FREM1: variants seen among roughly 807,000 people sequenced by gnomAD.
The protein encoded by FREM1 is FRAS1-related extracellular matrix protein 1.
Under a neutral mutation model 210.1 loss-of-function variants are expected in FREM1, and 220 were observed. The ratio of observed to expected loss-of-function variants is 1.05; its 90% confidence interval spans 0.94 to 1.17. The LOEUF is 1.17. Ranked by LOEUF, FREM1 falls within the 50% of genes most tolerant of loss-of-function variation. The pLI is 0.00. For missense variants in FREM1, 3,454 were observed against 2,675.5 expected, an observed-to-expected ratio of 1.29 and a Z score of -6.42; for synonymous variants, 1,189 against 980.2, an observed-to-expected ratio of 1.21 and a Z score of -3.98.
At chr9:14,900,381 G>A (rs181548814) in intron 1 of FREM1, among the ~76,000 whole-genome samples, 1 of 152,340 alleles carries the variant, frequency 6.6e-6, no homozygotes, top group East Asian at 1.9e-4. Flanking sequence ...TCTCCTCTAA[G>A]TATGACAAGA....
At chr9:14,850,253 G>C (rs950411357) in intron 6 of FREM1, among the ~76,000 whole-genome samples, 4 of 152,130 alleles carry the variant, frequency 2.6e-5, no homozygotes, top group Non-Finnish European at 5.9e-5. Flanking sequence ...GCAGCAAAAG[G>C]AAATTAGATA....
chr9:14,837,152 G>A (rs1294814269), intron 10 of FREM1, among the ~76,000 whole-genome samples: 1 of 152,130 alleles, frequency 6.6e-6, no homozygotes, highest in African/African-American at 2.4e-5. Context: ...AGAAATCAGG[G>A]TGCCCACATT....
At chr9:14,878,458 C>A (rs73642430) in intron 1 of FREM1, among the ~76,000 whole-genome samples, 159 of 152,308 alleles carry the variant, frequency 1.0e-3, no homozygotes, top group African/African-American at 3.8e-3. Context: ...GTGGTCACAC[C>A]TAACAACCCC....
Position 14,823,256 on chromosome 9 carries a change from G to C in FREM1, c.2241C>G (p.Val747=). 1 of 1,613,878 alleles carries C rather than the reference G, an allele frequency of 6.2e-7. No individual in the cohort carries two copies. The change falls in exon 13 of 37, where the codon GTC becomes GTG. Residue 747 remains valine, a synonymous_variant. Coordinates refer to ENST00000380880, the MANE Select transcript of FREM1 (RefSeq NM_001379081.2). The part of the protein sequence containing the change: ...MQDIGPHCRD[V]QFTFSVSNQH... ...GGTTACTGACAGAAAATGTGAACTG[G>C]ACATCTCTGCAATGGGGACCAATGT...
chr9:14,889,170 A>T (rs1460467435), intron 1 of FREM1, among the ~76,000 whole-genome samples: 1 of 152,144 alleles, frequency 6.6e-6, no homozygotes, highest in Non-Finnish European at 1.5e-5. Flanking sequence ...TCTCTAGTTT[A>T]TGTCTTTTGA....
At chr9:14,893,390 A>G (rs918340278) in intron 1 of FREM1, among the ~76,000 whole-genome samples, 3 of 152,188 alleles carry the variant, frequency 2.0e-5, no homozygotes, top group Non-Finnish European at 2.9e-5. Context: ...CCTGCTGTCT[A>G]AGACAGTCCA....
Position 14,865,030 on chromosome 9 carries a change from T to C in FREM1, c.235-1127A>G, listed in dbSNP as rs141726435. ...CTTTTATAAAAGGCGACAACCATAA[T>C]TGTCCATAAATTTACTAACTAAAAC... On this transcript the variant is annotated intron_variant, in intron 2 of 36. Coordinates refer to ENST00000380880, the MANE Select transcript of FREM1 (RefSeq NM_001379081.2). 2.0e-4 allele frequency among the ~76,000 whole-genome samples: 31 copies of C among 152,336 alleles called. 1 individual carries two copies. In the East Asian group the frequency reaches 6.0e-3, roughly 29 times the overall value.
intron 1 of FREM1, among the ~76,000 whole-genome samples, chr9:14,888,369 A>C (rs1366655457): frequency 6.6e-6 from 1 of 152,208 alleles, no homozygotes; most frequent in Non-Finnish European, 1.5e-5. Flanking sequence ...CCAAAACCTT[A>C]TACTCTTTGC....
intron 1 of FREM1, among the ~76,000 whole-genome samples, chr9:14,878,144 C>A (rs1212778158): frequency 1.3e-5 from 2 of 152,190 alleles, no homozygotes; most frequent in African/African-American, 4.8e-5. Flanking sequence ...CTGCTCAAAA[C>A]TTCCAGTAGT....
chr9:14,801,474 T>C (rs1036503912), intron 20 of FREM1, among the ~76,000 whole-genome samples, 178 bp downstream of exon 20: 9 of 152,368 alleles, frequency 5.9e-5, no homozygotes, highest in African/African-American at 2.2e-4. Context: ...TTCTCCTGTC[T>C]AACCGAAATT....
Position 14,756,370 on chromosome 9 carries a change from G to C in FREM1, c.5407+4C>G. On this transcript the variant is annotated splice_donor_region_variant and intron_variant, in intron 29 of 36. Transcript: ENST00000380880. ...ATAAAACAAACTGCAGACACAAAAT[G>C]TACCTGGGTCAAACTGAATCAGTTT... 2 of 1,578,894 alleles carry C rather than the reference G, an allele frequency of 1.3e-6. No homozygotes were observed. The highest frequency in any genetic ancestry group is 1.7e-6 in the Non-Finnish European group (2 of 1,161,480).
rs202213402 is a variant in FREM1, at chr9:14,805,049, T to A, written c.3378A>T (p.Thr1126=). 3 of 1,613,364 alleles carry A rather than the reference T, an allele frequency of 1.9e-6. No homozygotes were observed. Among genetic ancestry groups the A allele is most frequent in the East Asian group, 4.5e-5 (2 of 44,878 alleles). The change falls in exon 19 of 37, where the codon ACA becomes ACT. Residue 1126 remains threonine, a synonymous_variant. Coordinates refer to ENST00000380880, the MANE Select transcript of FREM1 (RefSeq NM_001379081.2). ...TCTCCAAGGAGTGATGCTTCCCATC[T>A]GTGACGTACACCGTGAACTGGTCGG... The part of the protein sequence containing the change: ...PTADQFTVYV[T]DGKHHSLEIP...
chr9:14,880,518 C>G lies in FREM1; in HGVS notation c.-267-11274G>C, dbSNP rs139472093. On this transcript the variant is annotated intron_variant, in intron 1 of 36. Transcript: ENST00000380880. ...ACTCAGGAAACTGAGGCAGGAGAAT[C>G]ACTTGAACCCGGGAGGCAAAGGGTG... 9.9e-3 allele frequency among the ~76,000 whole-genome samples: 1,487 copies of G among 150,252 alleles called. 10 individuals are homozygous for G. The highest frequency in any genetic ancestry group is 0.015 in the Admixed American group (223 of 15,066).
chr9:14,825,806 T>C (rs1822338654), intron 10 of FREM1, among the ~76,000 whole-genome samples: 1 of 151,956 alleles, frequency 6.6e-6, no homozygotes, highest in Non-Finnish European at 1.5e-5. Context: ...AAATTTCCTA[T>C]GCAGTGACCA....
intron 27 of FREM1, 55 bp downstream of exon 27, chr9:14,769,669 T>C: frequency 6.5e-7 from 1 of 1,541,672 alleles, no homozygotes; most frequent in Non-Finnish European, 8.8e-7. Context: ...TTCCTAATAT[T>C]CAGATACATT....
chr9:14,754,453 T>C (rs1291054613), intron 29 of FREM1, among the ~76,000 whole-genome samples: 1 of 152,198 alleles, frequency 6.6e-6, no homozygotes, highest in Admixed American at 6.5e-5. Flanking sequence ...ATACAGATTT[T>C]TGCATGTCGA....
rs1210912485 is a variant in FREM1 at position 14,737,361 on chromosome 9, A to G, written c.*35T>C. On this transcript the variant is annotated 3_prime_UTR_variant, in exon 37 of 37. Transcript: ENST00000380880. Reference sequence around the variant, plus strand: ...CAGATCCTGTGAATAAATAGGTGACAAACTCCAGGTGGCCCCCTGTAGGGT... The same window carrying G: ...CAGATCCTGTGAATAAATAGGTGACGAACTCCAGGTGGCCCCCTGTAGGGT... 1.9e-6 allele frequency: 3 copies of G among 1,539,656 alleles called. No homozygotes were observed. Among genetic ancestry groups the G allele is most frequent in the Non-Finnish European group, 2.7e-6 (3 of 1,120,994 alleles).
At chr9:14,835,570 T>C (rs1824412050) in intron 10 of FREM1, among the ~76,000 whole-genome samples, 1 of 152,202 alleles carries the variant, frequency 6.6e-6, no homozygotes, top group South Asian at 2.1e-4. Flanking sequence ...AATGTCACTT[T>C]CTAATAGGTC....
Position 14,791,760 on chromosome 9 carries a change from GAA to G in FREM1, c.3981+981_3981+982del, listed in dbSNP as rs560312168. Among the ~76,000 whole-genome samples, 22 of 152,316 alleles carry G rather than the reference GAA, an allele frequency of 1.4e-4. No homozygotes were observed. The South Asian group carries it at 4.3e-3, about 30-fold the overall frequency. ...AAGATGAGAATTGGAAGGAAAGAAA[GAA>G]AGATGCTCACTGTGGCAAATCATTG... On this transcript the variant is annotated intron_variant, in intron 22 of 36. Transcript: ENST00000380880.
Sources: gnomAD v4.1 joint callset for allele counts (sites outside exome capture counted in the v4.1 genomes callset) on GRCh38, gnomAD v4.1.1 for gene constraint, MANE v1.5 for transcripts, NCBI Gene and HGNC (gene_info 2026-07-23, HGNC 2026-07-21) for gene names.